The following ASTN1 variants were observed in gnomAD, a reference collection of about 807,000 sequenced individuals.
The protein encoded by ASTN1 is astrotactin 1.
ASTN1 carries 41 observed loss-of-function variants against 140.7 expected under a neutral mutation model. The ratio of observed to expected loss-of-function variants is 0.29; its 90% CI spans 0.23 to 0.38. ASTN1 has a LOEUF of 0.38. ASTN1 is among the 10% of genes least tolerant of loss of function. The pLI is 1.00. For synonymous variants in ASTN1, 640 were observed against 652.2 expected (o/e 0.98, Z 0.29); for missense variants, 1,479 against 1,678.8 (o/e 0.88, Z 2.08).
chr1:176,915,220 T>A (rs547366916), intron 16 of ASTN1, among the ~76,000 whole-genome samples: 1 of 152,212 alleles, frequency 6.6e-6, no homozygotes, highest in Admixed American at 6.5e-5. Context: ...GGAAATACCC[T>A]AATAGTTACA....
chr1:177,030,735 A>G, intron 4 of ASTN1, 71 bp downstream of exon 4: 1 of 1,583,424 alleles, frequency 6.3e-7, no homozygotes, highest in Admixed American at 1.7e-5. Flanking sequence ...AATGGGTAGA[A>G]GATATTAATG....
At chr1:176,878,040 C>G (rs938640001) in intron 20 of ASTN1, among the ~76,000 whole-genome samples, 1 of 152,182 alleles carries the variant, frequency 6.6e-6, no homozygotes, top group East Asian at 1.9e-4. Context: ...AGCCTGTGTG[C>G]CCCAATACGC....
At chr1:176,867,082 C>T (rs12752567) in intron 22 of ASTN1, among the ~76,000 whole-genome samples, 50,630 of 151,808 alleles carry the variant, frequency 0.33, 9,330 homozygotes, top group East Asian at 0.73. Flanking sequence ...TCAGCGGTGG[C>T]CTTACTTTAC....
chr1:176,978,621 G>A (rs1673469879), intron 8 of ASTN1, among the ~76,000 whole-genome samples: 1 of 152,176 alleles, frequency 6.6e-6, no homozygotes, highest in East Asian at 1.9e-4. Flanking sequence ...ATGATTTTAT[G>A]TGTGTGGGGG....
At chr1:177,123,622 C>T (rs777962073) in intron 1 of ASTN1, among the ~76,000 whole-genome samples, 1 of 152,164 alleles carries the variant, frequency 6.6e-6, no homozygotes, top group African/African-American at 2.4e-5. Context: ...TATCTGGCTA[C>T]CCTAACCTCA....
chr1:176,904,904 G>A (rs1337820554), intron 16 of ASTN1, among the ~76,000 whole-genome samples: 2 of 152,278 alleles, frequency 1.3e-5, no homozygotes, highest in East Asian at 1.9e-4. Flanking sequence ...TGGAATTAGT[G>A]CTGCTTTTCT....
At chr1:177,101,750 G>A (rs1310808436) in intron 1 of ASTN1, among the ~76,000 whole-genome samples, 1 of 152,112 alleles carries the variant, frequency 6.6e-6, no homozygotes, top group Non-Finnish European at 1.5e-5. Flanking sequence ...AACATGATAG[G>A]GAGAGAGTGA....
At chr1:176,872,861 C>T (rs764842532) in intron 21 of ASTN1, among the ~76,000 whole-genome samples, 74 of 152,292 alleles carry the variant, frequency 4.9e-4, no homozygotes, top group Non-Finnish European at 8.7e-4. Flanking sequence ...TAAAATTCTA[C>T]CCTCTGCACC....
intron 1 of ASTN1, among the ~76,000 whole-genome samples, chr1:177,076,278 C>CAAAA (rs1171864161): frequency 0.34 from 26,349 of 77,010 alleles, 4,779 homozygotes; most frequent in Non-Finnish European, 0.48. Context: ...GACTATGTCT[C>CAAAA]AAAAAAAAAA....
chr1:176,971,288 A>G (rs2101862584), intron 8 of ASTN1, among the ~76,000 whole-genome samples: 1 of 152,298 alleles, frequency 6.6e-6, no homozygotes, highest in East Asian at 1.9e-4. Flanking sequence ...TATCCTAATG[A>G]TAAGATGGGG....
At chr1:176,872,480 T>A (rs1441692112) in intron 21 of ASTN1, among the ~76,000 whole-genome samples, 1 of 152,146 alleles carries the variant, frequency 6.6e-6, no homozygotes, top group Non-Finnish European at 1.5e-5. Context: ...GCCTCTATAT[T>A]TCTGTGAAAT....
intron 8 of ASTN1, among the ~76,000 whole-genome samples, chr1:176,989,048 G>A (rs1674038094): frequency 6.6e-6 from 1 of 152,184 alleles, no homozygotes; most frequent in African/African-American, 2.4e-5. Context: ...TTCACAAATG[G>A]AGAGGTCTTA....
At chr1:177,149,628 T>C (rs1476037100) in intron 1 of ASTN1, among the ~76,000 whole-genome samples, 1 of 87,096 alleles carries the variant, frequency 1.1e-5, no homozygotes, top group Admixed American at 1.5e-4. Flanking sequence ...ATATACACTG[T>C]ATATATATAG....
intron 16 of ASTN1, among the ~76,000 whole-genome samples, chr1:176,898,570 A>G (rs1055964258): frequency 1.3e-5 from 2 of 152,198 alleles, no homozygotes; most frequent in African/African-American, 2.4e-5. Flanking sequence ...GCCCAAAGAG[A>G]GCACCTATAA....
At chr1:177,129,498 A>T (rs1360181526) in intron 1 of ASTN1, among the ~76,000 whole-genome samples, 1 of 152,188 alleles carries the variant, frequency 6.6e-6, no homozygotes, top group Non-Finnish European at 1.5e-5. Flanking sequence ...TCAGCCTGAG[A>T]GGCTGAATAT....
Position 176,944,407 on chromosome 1 carries a change from G to C in ASTN1, c.2250-389C>G, listed in dbSNP as rs146979474. Among the ~76,000 whole-genome samples, 1,471 of 152,216 alleles carry C rather than the reference G, an allele frequency of 9.7e-3. 26 individuals are homozygous for C. Among genetic ancestry groups the C allele is most frequent in the African/African-American group, 0.031 (1,288 of 41,550 alleles). On this transcript the variant is annotated intron_variant, in intron 13 of 22. Transcript: ENST00000361833. ...CCCAGGTAACTGAAACTACAGGCAT[G>C]TGCCACCACACCTGGCTAATTTTTT...
intron 8 of ASTN1, chr1:176,976,091 C>T (rs529970602): frequency 5.3e-5 from 8 of 152,084 alleles, no homozygotes. Context: ...TAAGATATCC[C>T]AAATCTCATT....
At chr1:177,115,866 C>G (rs532861908) in intron 1 of ASTN1, among the ~76,000 whole-genome samples, 1 of 152,036 alleles carries the variant, frequency 6.6e-6, no homozygotes, top group African/African-American at 2.4e-5. Flanking sequence ...TATCTACACA[C>G]GCAACATTTA....
At chr1:176,903,473 C>T (rs1227779085) in intron 16 of ASTN1, among the ~76,000 whole-genome samples, 1 of 152,228 alleles carries the variant, frequency 6.6e-6, no homozygotes, top group Non-Finnish European at 1.5e-5. Flanking sequence ...ATGTACCCCT[C>T]TGCATGTCCT....
Sources: allele counts gnomAD v4.1 joint callset (sites outside exome capture counted in the v4.1 genomes callset), GRCh38; gene constraint gnomAD v4.1.1; transcripts MANE v1.5; gene names NCBI Gene and HGNC (gene_info 2026-07-23, HGNC 2026-07-21).